The following RASEF variants were observed in gnomAD, a reference collection of about 807,000 sequenced individuals.
The protein encoded by RASEF is RAS and EF-hand domain containing, also known as ras and EF-hand domain-containing protein.
Under a neutral mutation model 90.1 loss-of-function variants are expected in RASEF, and 68 were observed. The observed-to-expected ratio is 0.75, with a 90% CI of 0.62 to 0.92. The LOEUF is 0.92. Among genes scored for constraint, RASEF ranks in the 40% least tolerant of loss-of-function variants. RASEF has a pLI of 0.00. For missense variants in RASEF, 949 were observed against 937.2 expected (o/e 1.01, Z -0.16); for synonymous variants, 331 against 345.2 (o/e 0.96, Z 0.46).
At chr9:83,065,423 C>T (rs1165609671), upstream of RASEF, among the ~76,000 whole-genome samples, 3 of 152,144 alleles carry the variant, frequency 2.0e-5, no homozygotes, top group Non-Finnish European at 4.4e-5. Context: ...CTTCAGGAAG[C>T]TAGCATGAGT....
At chr9:82,989,433 T>C (rs1436575690) in intron 16 of RASEF, among the ~76,000 whole-genome samples, 1 of 152,150 alleles carries the variant, frequency 6.6e-6, no homozygotes, top group East Asian at 1.9e-4. Context: ...CCTGCTAACT[T>C]TTCCTTCCTG....
At chr9:83,069,581 C>T in the RASEF span, among the ~76,000 whole-genome samples, 2 of 152,168 alleles carry the variant, frequency 1.3e-5, no homozygotes, top group Non-Finnish European at 2.9e-5. Context: ...ATATTTGGGT[C>T]ATTTCCAGGT....
At chr9:83,087,912 C>T in the RASEF span, among the ~76,000 whole-genome samples, 11 of 152,120 alleles carry the variant, frequency 7.2e-5, no homozygotes, top group Non-Finnish European at 1.6e-4. Context: ...ACACTGCTTT[C>T]ACTGCATACC....
the RASEF span, among the ~76,000 whole-genome samples, chr9:83,148,705 A>T: frequency 6.6e-6 from 1 of 152,238 alleles, no homozygotes; most frequent in African/African-American, 2.4e-5. Flanking sequence ...GAGACTTCTC[A>T]AAGGATATCT....
At chr9:83,094,968 G>A in the RASEF span, among the ~76,000 whole-genome samples, 1 of 152,116 alleles carries the variant, frequency 6.6e-6, no homozygotes, top group South Asian at 2.1e-4. Context: ...CCCTCAGACT[G>A]GTGAATGTAG....
At position 83,062,616 on chromosome 9, in the gene RASEF, A is replaced by G; in HGVS notation, c.252T>C (p.Gly84=). The change falls in exon 1 of 17, where the codon GGT becomes GGC. Residue 84 remains glycine, a synonymous_variant. Transcript: ENST00000376447. ...ACACGGCGGGCGCGGGATCCAGAGG[A>G]CCCCAGTCCCGGCGCCGCCCCCCGC... ...SLRGGRRRDW[G]PLDPAPAVSE... The G allele has an allele frequency of 6.4e-7, 1 of 1,557,336 alleles. No individual in the cohort carries two copies. Among genetic ancestry groups the G allele is most frequent in the Non-Finnish European group, 8.6e-7 (1 of 1,156,148 alleles).
At chr9:83,044,567 GT>G (rs1319118341) in intron 1 of RASEF, among the ~76,000 whole-genome samples, 1 of 152,102 alleles carries the variant, frequency 6.6e-6, no homozygotes, top group Non-Finnish European at 1.5e-5. Context: ...GTTGTGGAGT[GT>G]TTAGGCATTT....
the RASEF span, among the ~76,000 whole-genome samples, chr9:83,136,298 A>G: frequency 6.6e-6 from 1 of 152,130 alleles, no homozygotes; most frequent in Non-Finnish European, 1.5e-5. Context: ...GCATGGTTTC[A>G]TAGCATACCT....
At chr9:83,069,148 G>T in the RASEF span, among the ~76,000 whole-genome samples, 1 of 152,138 alleles carries the variant, frequency 6.6e-6, no homozygotes, top group Non-Finnish European at 1.5e-5. Flanking sequence ...CTGTTACTGA[G>T]AATGAAATTA....
the RASEF span, among the ~76,000 whole-genome samples, chr9:83,077,133 A>C: frequency 6.6e-6 from 1 of 152,190 alleles, no homozygotes; most frequent in Non-Finnish European, 1.5e-5. Flanking sequence ...ATACAATGGA[A>C]ACAATGAGGG....
chr9:83,193,784 A>C, the RASEF span, among the ~76,000 whole-genome samples: 1 of 152,214 alleles, frequency 6.6e-6, no homozygotes, highest in Non-Finnish European at 1.5e-5. Context: ...GGACCGAGGG[A>C]TATAGCATGT....
the RASEF span, among the ~76,000 whole-genome samples, chr9:83,175,334 A>G: frequency 6.6e-6 from 1 of 152,132 alleles, no homozygotes; most frequent in Admixed American, 6.5e-5. Context: ...GGACTTTATC[A>G]GTTGTTTTTC....
At chr9:83,057,373 A>G (rs1830120543) in intron 1 of RASEF, among the ~76,000 whole-genome samples, 1 of 152,386 alleles carries the variant, frequency 6.6e-6, no homozygotes. Flanking sequence ...TAGAAAAATC[A>G]GTAGCATTTG....
At chr9:83,143,663 C>A in the RASEF span, among the ~76,000 whole-genome samples, 1 of 152,102 alleles carries the variant, frequency 6.6e-6, no homozygotes, top group Non-Finnish European at 1.5e-5. Flanking sequence ...ACAACAGATG[C>A]TGGCAAGGCT....
the RASEF span, among the ~76,000 whole-genome samples, chr9:83,097,643 A>G: frequency 3.9e-5 from 6 of 152,352 alleles, no homozygotes; most frequent in South Asian, 1.0e-3. Context: ...CAAAAGACAC[A>G]TGAAAAAATG....
chr9:83,009,892 C>T lies in RASEF; in HGVS notation c.844-136G>A, dbSNP rs547019581. Reference sequence around the variant, plus strand: ...CTTCAAAATCTCAGTGTTCAAACAACTATTTGTCAATTCAAGGTAATTTGA... The same window carrying T: ...CTTCAAAATCTCAGTGTTCAAACAATTATTTGTCAATTCAAGGTAATTTGA... On this transcript the variant is annotated intron_variant, in intron 5 of 16. Transcript: ENST00000376447. The T allele has an allele frequency of 1.8e-4, 98 of 555,210 alleles. 1 individual carries two copies. Among genetic ancestry groups the T allele is most frequent in the Non-Finnish European group, 2.4e-4 (75 of 308,074 alleles). 34.4% of individuals were successfully genotyped at this position (555,210 alleles called of 1,614,324 possible).
the RASEF span, among the ~76,000 whole-genome samples, chr9:83,117,545 A>G: frequency 6.6e-6 from 1 of 152,212 alleles, no homozygotes; most frequent in Non-Finnish European, 1.5e-5. Flanking sequence ...GGCACCAGAC[A>G]TGGGTCTCTA....
the RASEF span, among the ~76,000 whole-genome samples, chr9:83,114,273 A>G: frequency 1.3e-5 from 2 of 152,190 alleles, no homozygotes; most frequent in African/African-American, 4.8e-5. Flanking sequence ...CACTTCCCCA[A>G]TCAATACCCT....
the RASEF span, among the ~76,000 whole-genome samples, chr9:83,167,318 C>A: frequency 1.0e-4 from 15 of 149,764 alleles, no homozygotes; most frequent in African/African-American, 3.7e-4. Context: ...CTGCCTCTAC[C>A]ACAAGTTAGC....
Sources: gnomAD v4.1 joint callset for allele counts (sites outside exome capture counted in the v4.1 genomes callset) on GRCh38, gnomAD v4.1.1 for gene constraint, MANE v1.5 for transcripts, NCBI Gene and HGNC (gene_info 2026-07-23, HGNC 2026-07-21) for gene names.